Variants in TRHDE observed in about 807,000 individuals in gnomAD.
The protein encoded by TRHDE is thyrotropin-releasing hormone-degrading ectoenzyme.
In TRHDE, 72 loss-of-function variants were observed where a neutral mutation model predicts 125.7. The ratio of observed to expected loss-of-function variants is 0.57; its 90% CI spans 0.47 to 0.70. The LOEUF (loss-of-function observed/expected upper bound fraction) is 0.70. TRHDE is among the 30% of genes least tolerant of loss of function. TRHDE has a pLI of 0.00. For missense variants in TRHDE, 1,110 were observed against 1,327.1 expected (o/e 0.84, Z 2.54); for synonymous variants, 509 against 509.1 (o/e 1.00, Z 0.00).
chr12:72,631,312 T>A (rs1391490738), intron 15 of TRHDE, among the ~76,000 whole-genome samples: 2 of 151,832 alleles, frequency 1.3e-5, no homozygotes, highest in African/African-American at 4.8e-5. Flanking sequence ...AAAATGCCCC[T>A]TTTTGCCTAA....
At chr12:72,240,023 G>A (rs1878443256) in intron 2 of TRHDE, among the ~76,000 whole-genome samples, 2 of 152,128 alleles carry the variant, frequency 1.3e-5, no homozygotes, top group South Asian at 4.1e-4. Flanking sequence ...ACTTTTGCGT[G>A]TGTTCTGTTC....
intron 2 of TRHDE, among the ~76,000 whole-genome samples, chr12:72,331,031 G>A (rs887236290): frequency 2.6e-5 from 4 of 152,148 alleles, no homozygotes; most frequent in Non-Finnish European, 4.4e-5. Context: ...CTGCCGACAT[G>A]AAACCCTCTG....
At chr12:72,112,748 G>A (rs1875349324) in intron 2 of TRHDE, among the ~76,000 whole-genome samples, 2 of 152,162 alleles carry the variant, frequency 1.3e-5, no homozygotes, top group African/African-American at 2.4e-5. Context: ...CACACTCCTA[G>A]ATGGATTAAA....
intron 2 of TRHDE, among the ~76,000 whole-genome samples, chr12:72,328,522 G>A (rs553658791): frequency 5.4e-4 from 81 of 150,888 alleles, no homozygotes; most frequent in South Asian, 2.5e-3. Context: ...GATAAAAATA[G>A]GAAAGCAATG....
intron 2 of TRHDE, among the ~76,000 whole-genome samples, chr12:72,313,497 A>G (rs965883393): frequency 3.9e-5 from 6 of 152,132 alleles, no homozygotes; most frequent in African/African-American, 1.4e-4. Context: ...TATTGTACTG[A>G]AATTAATTGT....
At chr12:72,183,908 G>A (rs1467247834) in intron 2 of TRHDE, among the ~76,000 whole-genome samples, 2 of 152,168 alleles carry the variant, frequency 1.3e-5, no homozygotes, top group East Asian at 1.9e-4. Flanking sequence ...GTAAAGTGAT[G>A]TTATAGTAGA....
At chr12:72,539,231 G>A (rs914403664) in intron 6 of TRHDE, among the ~76,000 whole-genome samples, 1 of 151,680 alleles carries the variant, frequency 6.6e-6, no homozygotes, top group Non-Finnish European at 1.5e-5. Flanking sequence ...ATTTTGCTTT[G>A]CATCTCATCT....
At chr12:72,524,201 G>A (rs914055974) in intron 6 of TRHDE, among the ~76,000 whole-genome samples, 12 of 152,212 alleles carry the variant, frequency 7.9e-5, no homozygotes, top group South Asian at 2.1e-4. Flanking sequence ...TTTAATCAGC[G>A]CATTTTATCC....
At chr12:72,110,248 C>A (rs142230591) in intron 2 of TRHDE, among the ~76,000 whole-genome samples, 1 of 151,976 alleles carries the variant, frequency 6.6e-6, no homozygotes, top group South Asian at 2.1e-4. Context: ...TTACTCCAAG[C>A]GAGGTCATGT....
intron 12 of TRHDE, 46 bp downstream of exon 12, chr12:72,575,588 G>A: frequency 6.4e-7 from 1 of 1,555,528 alleles, no homozygotes; most frequent in Non-Finnish European, 8.9e-7. Context: ...GTGCCTGCAA[G>A]ACTTCCTGTA....
intron 6 of TRHDE, among the ~76,000 whole-genome samples, chr12:72,530,416 C>CTTTT (rs71438816): frequency 0.061 from 4,189 of 68,182 alleles, 157 homozygotes; most frequent in Middle Eastern, 0.15. Flanking sequence ...TTCCTAGAAG[C>CTTTT]TTTTTTTTTT....
chr12:72,142,702 C>T (rs1876143605), intron 2 of TRHDE, among the ~76,000 whole-genome samples: 1 of 152,136 alleles, frequency 6.6e-6, no homozygotes, highest in Non-Finnish European at 1.5e-5. Context: ...GCTCCAGCAG[C>T]AGACCAGCAG....
At position 72,295,981 on chromosome 12, in the gene TRHDE, C is replaced by T. The variant is rs149648556; in HGVS notation, c.1188+9027C>T. On this transcript the variant is annotated intron_variant, in intron 2 of 18. Coordinates refer to ENST00000261180, the MANE Select transcript of TRHDE (RefSeq NM_013381.3). ...ACCCTAGGAAGTGATAGTCATCCTCCTCCTCTCTACTTTTTGAAAACTTTT... is the reference window on the plus strand; with the variant it reads ...ACCCTAGGAAGTGATAGTCATCCTCTTCCTCTCTACTTTTTGAAAACTTTT... Among the ~76,000 whole-genome samples the T allele has an allele frequency of 1.1e-3, 168 of 152,298 alleles. 1 individual carries two copies. Among genetic ancestry groups the T allele is most frequent in the African/African-American group, 4.0e-3 (165 of 41,552 alleles).
intron 6 of TRHDE, among the ~76,000 whole-genome samples, chr12:72,522,283 A>G (rs1868264210): frequency 1.3e-5 from 2 of 152,222 alleles, no homozygotes; most frequent in Non-Finnish European, 2.9e-5. Context: ...AGAGACACTC[A>G]TTTCTTTTTC....
In TRHDE at chr12:72,498,364, G is replaced by T. The variant is rs531978140; in HGVS notation, c.1585-1134G>T. ...CCATTTCTTTAAATCCAGGATTGGT[G>T]CACTCTTAGCTTGAAATTACAACTC... On this transcript the variant is annotated intron_variant, in intron 5 of 18. Transcript: ENST00000261180. Among the ~76,000 whole-genome samples, 62 of 152,152 alleles carry T rather than the reference G, an allele frequency of 4.1e-4. No homozygotes were observed. In the Middle Eastern group the frequency reaches 0.014, roughly 33 times the overall value.
chr12:72,286,934 A>G lies in TRHDE; in HGVS notation c.1168A>G (p.Thr390Ala). The G allele has an allele frequency of 6.2e-7, 1 of 1,613,948 alleles. No homozygotes were observed. The highest frequency in any genetic ancestry group is 1.1e-5 in the South Asian group (1 of 91,066). Reference sequence around the variant, plus strand: ...TTGCAACTTCACATACAGAGAAACTACCACCAAGAGTGGGGTTGTAGTAAG... The same window carrying G: ...TTGCAACTTCACATACAGAGAAACTGCCACCAAGAGTGGGGTTGTAGTAAG... ...AICNFTYRET[T>A]TKSGVVVRLY... Residue 390 changes from threonine (T) to alanine (A), a missense_variant, in exon 2 of 19, where the codon ACC becomes GCC. Thr to Ala is a moderately conservative substitution (Grantham distance 58). This residue lies in a region of TRHDE where 252 missense variants were observed against 274.8 expected (regional missense o/e 0.92). Coordinates refer to ENST00000261180, the MANE Select transcript of TRHDE (RefSeq NM_013381.3).
At chr12:72,149,288 C>A (rs1173275033) in intron 2 of TRHDE, among the ~76,000 whole-genome samples, 1 of 152,002 alleles carries the variant, frequency 6.6e-6, no homozygotes. Context: ...GGTTATAAGT[C>A]CTCATAGTCC....
chr12:72,316,379 G>A (rs2135705281), intron 2 of TRHDE, among the ~76,000 whole-genome samples: 1 of 152,228 alleles, frequency 6.6e-6, no homozygotes, highest in East Asian at 1.9e-4. Context: ...TATAGCTAAT[G>A]CTCATGGCGA....
intron 3 of TRHDE, among the ~76,000 whole-genome samples, chr12:72,381,369 G>A (rs1872167772): frequency 6.6e-6 from 1 of 151,806 alleles, no homozygotes; most frequent in African/African-American, 2.4e-5. Context: ...TAGCATTCTG[G>A]ATATATATTG....
Sources: gnomAD v4.1 joint callset for allele counts (sites outside exome capture counted in the v4.1 genomes callset) on GRCh38, gnomAD v4.1.1 for gene constraint, gnomAD v4.1.1 regional missense constraint, MANE v1.5 for transcripts, NCBI Gene and HGNC (gene_info 2026-07-23, HGNC 2026-07-21) for gene names.